Variants in CNTNAP2 observed in about 807,000 individuals in gnomAD.
CNTNAP2 encodes the protein contactin-associated protein-like 2.
A neutral mutation model predicts 155.2 loss-of-function variants in CNTNAP2; 98 were observed. That is an observed-to-expected ratio of 0.63 (90% confidence interval 0.54 to 0.75). The LOEUF (loss-of-function observed/expected upper bound fraction) is 0.75. Among genes scored for constraint, CNTNAP2 ranks in the 30% least tolerant of loss-of-function variants. The pLI is 0.00. For synonymous variants in CNTNAP2, 651 were observed against 631.2 expected (o/e 1.03, Z -0.47); for missense variants, 1,727 against 1,688.1 (o/e 1.02, Z -0.40).
rs1248291674 is a variant in CNTNAP2 at position 147,346,348 on chromosome 7, G to A, written c.1498+46058G>A. ...TTTTTGTATTTTTAGTAGAGACGGG[G>A]TTTCACCTTGTTAGCCAGGATGGTC... On this transcript the variant is annotated intron_variant, in intron 9 of 23. Coordinates refer to ENST00000361727, the MANE Select transcript of CNTNAP2 (RefSeq NM_014141.6). 2.6e-5 allele frequency among the ~76,000 whole-genome samples: 4 copies of A among 151,004 alleles called. No homozygotes were observed. In the East Asian group the frequency reaches 7.8e-4, roughly 29 times the overall value.
At chr7:146,141,954 G>A (rs1296070737) in intron 1 of CNTNAP2, among the ~76,000 whole-genome samples, 1 of 152,162 alleles carries the variant, frequency 6.6e-6, no homozygotes, top group Non-Finnish European at 1.5e-5. Flanking sequence ...AGAGGGCTCA[G>A]TATTGATTTG....
At chr7:146,125,484 G>A (rs1459736332) in intron 1 of CNTNAP2, among the ~76,000 whole-genome samples, 1 of 149,122 alleles carries the variant, frequency 6.7e-6, no homozygotes, top group African/African-American at 2.5e-5. Context: ...GCTAAGGCAG[G>A]AGAATGGCGT....
chr7:148,099,729 A>G (rs1010094783), intron 15 of CNTNAP2, among the ~76,000 whole-genome samples: 11 of 151,654 alleles, frequency 7.3e-5, no homozygotes, highest in African/African-American at 2.7e-4. Context: ...AGCATCAAAA[A>G]CCAGTTAGTT....
chr7:148,038,826 AGATGGATGGATGGATGGATGGATG>A (rs58688357), intron 15 of CNTNAP2, among the ~76,000 whole-genome samples: 1 of 147,712 alleles, frequency 6.8e-6, no homozygotes, highest in African/African-American at 2.5e-5. Flanking sequence ...ATGGATGGAT[AGATGGATGGATGGATGGATGGATG>A]GATGGATGGA....
chr7:147,158,169 G>C (rs1440994923), intron 8 of CNTNAP2, among the ~76,000 whole-genome samples: 1 of 152,014 alleles, frequency 6.6e-6, no homozygotes, highest in African/African-American at 2.4e-5. Context: ...AAATGGAAAA[G>C]TGATTAAACA....
chr7:147,915,955 T>G (rs1800153040), intron 14 of CNTNAP2, among the ~76,000 whole-genome samples: 2 of 152,178 alleles, frequency 1.3e-5, no homozygotes, highest in Admixed American at 1.3e-4. Flanking sequence ...TAACAGGAGA[T>G]TCCTAGAGCG....
At chr7:147,644,355 T>C (rs1162764274) in intron 13 of CNTNAP2, among the ~76,000 whole-genome samples, 2 of 152,188 alleles carry the variant, frequency 1.3e-5, no homozygotes, top group Non-Finnish European at 2.9e-5. Context: ...GTGGGGTGGT[T>C]CAGGCCTGTA....
chr7:147,129,034 C>T (rs904299824), intron 7 of CNTNAP2, among the ~76,000 whole-genome samples, 198 bp downstream of exon 7: 2 of 152,090 alleles, frequency 1.3e-5, no homozygotes, highest in African/African-American at 2.4e-5. Flanking sequence ...ATGGGACTAG[C>T]TTGAAGTAGG....
At position 146,712,368 on chromosome 7, in the gene CNTNAP2, T is replaced by G. The variant is rs187754906; in HGVS notation, c.98-61903T>G. The stretch of plus-strand genomic sequence containing the variant: ...CATATCTTATGTATACTATATAGTA[T>G]ACATATCTTATGTATACTATATATA... On this transcript the variant is annotated intron_variant, in intron 1 of 23. Coordinates refer to ENST00000361727, the MANE Select transcript of CNTNAP2 (RefSeq NM_014141.6). Among the ~76,000 whole-genome samples, 108 of 141,698 alleles carry G rather than the reference T, an allele frequency of 7.6e-4. 1 individual carries two copies. The highest frequency in any genetic ancestry group is 2.9e-3 in the African/African-American group (104 of 36,124). The allele number at this position is 141,698 out of a possible 152,430, so 93.0% of individuals were successfully genotyped here.
chr7:147,223,579 C>T (rs1034207586), intron 8 of CNTNAP2, among the ~76,000 whole-genome samples: 2 of 152,176 alleles, frequency 1.3e-5, no homozygotes, highest in South Asian at 4.1e-4. Context: ...AACAGGAACG[C>T]AGTGTGGGAT....
chr7:147,063,538 T>C lies in CNTNAP2; in HGVS notation c.550+19484T>C, dbSNP rs370918958. Among the ~76,000 whole-genome samples, 15 of 152,230 alleles carry C rather than the reference T, an allele frequency of 9.9e-5. No homozygotes were observed. In the South Asian group the frequency reaches 1.0e-3, roughly 11 times the overall value. On this transcript the variant is annotated intron_variant, in intron 4 of 23. Transcript: ENST00000361727. The stretch of plus-strand genomic sequence containing the variant: ...CTGGAAAATAAAAATAATTGTTGTA[T>C]GCCCAGTGGAACTATGAAGGAGCAT...
At chr7:147,738,038 C>G (rs1796886926) in intron 13 of CNTNAP2, among the ~76,000 whole-genome samples, 1 of 152,164 alleles carries the variant, frequency 6.6e-6, no homozygotes, top group Admixed American at 6.5e-5. Flanking sequence ...CACCCACTGT[C>G]CAACAATCCC....
chr7:147,637,676 T>A (rs956602976), intron 12 of CNTNAP2, among the ~76,000 whole-genome samples: 6 of 152,176 alleles, frequency 3.9e-5, no homozygotes, highest in African/African-American at 1.4e-4. Flanking sequence ...TGTTCCTCTC[T>A]CCCTTATAAA....
Position 146,181,529 on chromosome 7 carries a change from A to G in CNTNAP2, c.97+64556A>G, listed in dbSNP as rs545390442. ...TATCCTTCCATAACCGTGCCACTTG[A>G]TAATACATTTTTTTCTCATGCCATC... On this transcript the variant is annotated intron_variant, in intron 1 of 23. Coordinates refer to ENST00000361727, the MANE Select transcript of CNTNAP2 (RefSeq NM_014141.6). 2.2e-4 allele frequency among the ~76,000 whole-genome samples: 34 copies of G among 152,266 alleles called. No individual in the cohort carries two copies. In the South Asian group the frequency reaches 6.4e-3, roughly 29 times the overall value.
intron 21 of CNTNAP2, among the ~76,000 whole-genome samples, chr7:148,320,376 CTTTTTTTTT>C (rs67424217): frequency 2.5e-4 from 16 of 63,388 alleles, no homozygotes; most frequent in Admixed American, 1.8e-3. Context: ...ATTTTTTTTT[CTTTTTTTTT>C]TTTTTTTTTT....
chr7:147,381,798 TAAAC>T (rs1208721941), intron 9 of CNTNAP2, among the ~76,000 whole-genome samples: 1 of 152,086 alleles, frequency 6.6e-6, no homozygotes, highest in Non-Finnish European at 1.5e-5. Flanking sequence ...CTTTTAATGT[TAAAC>T]CAACTTTAGT....
intron 12 of CNTNAP2, among the ~76,000 whole-genome samples, chr7:147,591,502 A>C (rs776928096): frequency 6.6e-6 from 1 of 152,130 alleles, no homozygotes; most frequent in Non-Finnish European, 1.5e-5. Context: ...TAAGACTTCC[A>C]CATATAAATT....
chr7:146,612,606 T>C (rs1307479609), intron 1 of CNTNAP2, among the ~76,000 whole-genome samples: 1 of 151,934 alleles, frequency 6.6e-6, no homozygotes, highest in African/African-American at 2.4e-5. Flanking sequence ...CAGACGTTGA[T>C]TAGAAGTTTT....
chr7:147,159,054 T>C (rs369388420), intron 8 of CNTNAP2, among the ~76,000 whole-genome samples: 3 of 152,026 alleles, frequency 2.0e-5, no homozygotes. Context: ...GGTTCTTGAT[T>C]TGGGCAAGAG....
Sources: gnomAD v4.1 joint callset for allele counts (sites outside exome capture counted in the v4.1 genomes callset) on GRCh38, gnomAD v4.1.1 for gene constraint, MANE v1.5 for transcripts, NCBI Gene and HGNC (gene_info 2026-07-23, HGNC 2026-07-21) for gene names.